PLK4: variants seen among roughly 807,000 people sequenced by gnomAD.
PLK4 encodes polo like kinase 4.
A neutral mutation model predicts 103.0 loss-of-function variants in PLK4; 51 were observed. The ratio of observed to expected loss-of-function variants is 0.50; its 90% CI spans 0.40 to 0.63. The LOEUF (loss-of-function observed/expected upper bound fraction) is 0.63. Among genes scored for constraint, PLK4 ranks in the 20% least tolerant of loss-of-function variants. The pLI, the probability that PLK4 is intolerant of heterozygous loss-of-function variation, is 0.00. For missense variants in PLK4, 1,054 were observed against 1,151.0 expected (o/e 0.92, Z 1.22); for synonymous variants, 389 against 376.8 (o/e 1.03, Z -0.38).
chr4:127,888,111 CAG>C (rs1413990889), intron 6 of PLK4, among the ~76,000 whole-genome samples: 1 of 119,272 alleles, frequency 8.4e-6, no homozygotes, highest in African/African-American at 3.2e-5. Flanking sequence ...ACCAGGGAGA[CAG>C]AGGTTGCAGT....
rs752630935 is a variant in PLK4 at position 127,893,571 on chromosome 4, G to A, written c.2381G>A (p.Arg794Lys). 79 of 1,612,714 alleles carry A rather than the reference G, an allele frequency of 4.9e-5. No homozygotes were observed. Among genetic ancestry groups the A allele is most frequent in the East Asian group, 3.6e-4 (16 of 44,798 alleles). ...SIISEEERKT[R>K]SAPFFPIIIG... ...ATTTCAGAAGAGGAAAGGAAAACTA[G>A]GAGTGCTCCCTTTTTCCCAATAATC... Residue 794 changes from arginine (R) to lysine (K), a missense_variant, in exon 12 of 16, where the codon AGG (arginine) becomes AAG (lysine). By Grantham distance (26) the Arg-to-Lys change is conservative. Around this residue, in one of 4 missense-constraint regions of PLK4, gnomAD observed 167 missense variants for 200.7 expected, o/e 0.83. Coordinates refer to ENST00000270861, the MANE Select transcript of PLK4 (RefSeq NM_014264.5).
chr4:127,883,500 G>T lies in PLK4; in HGVS notation c.284G>T (p.Gly95Val). Reference sequence around the variant, plus strand: ...CTGGTATTAGAAATGTGCCATAATGGAGAAATGAACAGGTATCTAAAGAAT... The same window carrying T: ...CTGGTATTAGAAATGTGCCATAATGTAGAAATGAACAGGTATCTAAAGAAT... ...VYLVLEMCHN[G>V]EMNRYLKNRV... is the part of the protein sequence containing the mutation. The change falls in exon 4 of 16, where the codon GGA (glycine) becomes GTA (valine). Residue 95 changes from glycine to valine, a missense_variant. Gly to Val is a moderately radical substitution (Grantham distance 109). This residue lies in a region of PLK4 where 199 missense variants were observed against 270.1 expected (regional missense o/e 0.74). Coordinates refer to ENST00000270861, the MANE Select transcript of PLK4 (RefSeq NM_014264.5). 6.4e-7 allele frequency: 1 copy of T among 1,557,304 alleles called. No individual in the cohort carries two copies. Among genetic ancestry groups the T allele is most frequent in the South Asian group, 1.1e-5 (1 of 89,560 alleles).
Position 127,891,610 on chromosome 4 carries a change from GT to G in PLK4, c.1971del (p.Pro658LeufsTer39). On this transcript the variant is annotated frameshift_variant, in exon 9 of 16. Transcript: ENST00000270861. LOFTEE classifies it high-confidence loss of function. ...ITIYYPNGGR[G>X]FPLADRPPSP... ...ATTTATTATCCAAATGGTGGTAGAG[GT>G]TTTCCTCTTGCTGATAGACCACCCT... The G allele has an allele frequency of 6.4e-7, 1 of 1,553,896 alleles. No individual in the cohort carries two copies. Among genetic ancestry groups the G allele is most frequent in the East Asian group, 2.3e-5 (1 of 43,386 alleles).
rs778017185 is a variant in PLK4, at chr4:127,892,371, A to G, written c.2045A>G (p.Tyr682Cys). 3.8e-6 allele frequency: 6 copies of G among 1,558,936 alleles called. No individual in the cohort carries two copies. In the East Asian group the frequency reaches 1.4e-4, roughly 37 times the overall value. ...RYSFDNLPEKYWRKYQYASRF... is the reference protein window; with the variant it reads ...RYSFDNLPEKCWRKYQYASRF... ...AAGTATTTTTTTTCCTTAGAAAAAT[A>G]CTGGCGAAAATATCAATATGCTTCC... is the stretch of plus-strand genomic sequence containing the variant. Residue 682 changes from tyrosine to cysteine, a missense_variant, in exon 10 of 16, where the codon TAC (tyrosine) becomes TGC (cysteine). Coordinates refer to ENST00000270861, the MANE Select transcript of PLK4 (RefSeq NM_014264.5).
chr4:127,893,457 A>G, intron 11 of PLK4, 39 bp downstream of exon 11: 1 of 1,599,870 alleles, frequency 6.3e-7, no homozygotes, highest in Non-Finnish European at 8.5e-7. Flanking sequence ...CCAATTAATA[A>G]TGATTGCAAA....
At chr4:127,883,612 A>G in intron 4 of PLK4, 59 bp downstream of exon 4, 1 of 747,112 alleles carries the variant, frequency 1.3e-6, no homozygotes, top group Non-Finnish European at 2.3e-6. Context: ...TTGCATTTTA[A>G]AGTGTAGTTT....
At chr4:127,894,031 A>G in intron 13 of PLK4, 150 bp downstream of exon 13, 1 of 569,754 alleles carries the variant, frequency 1.8e-6, no homozygotes, top group Non-Finnish European at 3.1e-6. Flanking sequence ...TTTATGTTTG[A>G]GCGTCAAAGG....
chr4:127,886,738 A>T lies in PLK4; in HGVS notation c.1358+10A>T. 1 of 1,552,144 alleles carries T rather than the reference A, an allele frequency of 6.4e-7. No individual in the cohort carries two copies. Among genetic ancestry groups the T allele is most frequent in the Non-Finnish European group, 8.7e-7 (1 of 1,146,974 alleles). On this transcript the variant is annotated intron_variant, in intron 5 of 15. Coordinates refer to ENST00000270861, the MANE Select transcript of PLK4 (RefSeq NM_014264.5). Reference sequence around the variant, plus strand: ...ATAACAATCAAGCACTGTAAGAATAATTCTATCAGAGGCATTTTGTTTTTT... The same window carrying T: ...ATAACAATCAAGCACTGTAAGAATATTTCTATCAGAGGCATTTTGTTTTTT...
intron 7 of PLK4, chr4:127,890,877 C>G: frequency 2.8e-6 from 1 of 351,906 alleles, no homozygotes; most frequent in Non-Finnish European, 5.1e-6. Flanking sequence ...TTGATTATCA[C>G]TTCACACTTC....
chr4:127,888,789 T>C (rs1196287595), intron 6 of PLK4, among the ~76,000 whole-genome samples: 1 of 152,140 alleles, frequency 6.6e-6, no homozygotes, highest in Non-Finnish European at 1.5e-5. Context: ...TTTTACTAAG[T>C]ATCGTATTAC....
rs750062734 is a variant in PLK4 at position 127,886,553 on chromosome 4, A to G, written c.1183A>G (p.Thr395Ala). ...SNSQSQAKTYTMERCHSAEML... is the reference protein window; with the variant it reads ...SNSQSQAKTYAMERCHSAEML... ...TAGTCAGTCTCAAGCAAAAACATAT[A>G]CAATGGAACGATGTCACTCAGCAGA... Residue 395 changes from threonine (T) to alanine (A), a missense_variant, in exon 5 of 16, where the codon ACA (threonine) becomes GCA (alanine). Around this residue, in one of 4 missense-constraint regions of PLK4, gnomAD observed 680 missense variants for 660.3 expected, o/e 1.03. Coordinates refer to ENST00000270861, the MANE Select transcript of PLK4 (RefSeq NM_014264.5). 6.2e-7 allele frequency: 1 copy of G among 1,614,126 alleles called. No individual in the cohort carries two copies. The highest frequency in any genetic ancestry group is 1.6e-4 in the Middle Eastern group (1 of 6,062).
chr4:127,881,964 C>A, intron 2 of PLK4, 38 bp downstream of exon 2: 3 of 1,102,338 alleles, frequency 2.7e-6, no homozygotes, highest in Non-Finnish European at 4.2e-6. Flanking sequence ...CTGTACTTTG[C>A]AAGTAACTAG....
At chr4:127,894,352 G>A (rs546025851) in intron 13 of PLK4, among the ~76,000 whole-genome samples, 6 of 151,502 alleles carry the variant, frequency 4.0e-5, no homozygotes, top group South Asian at 4.2e-4. Flanking sequence ...TCAGCCTCCC[G>A]AGTAGCTGGG....
In PLK4 at chr4:127,881,106, C is replaced by T. The variant is rs768898534; in HGVS notation, c.-29C>T. 1.2e-5 allele frequency: 20 copies of T among 1,613,684 alleles called. No homozygotes were observed. The highest frequency in any genetic ancestry group is 9.9e-5 in the South Asian group (9 of 91,066). On this transcript the variant is annotated 5_prime_UTR_variant, in exon 1 of 16. Coordinates refer to ENST00000270861, the MANE Select transcript of PLK4 (RefSeq NM_014264.5). ...AAGGGACTGCGTGAAGGAAGCTAAT[C>T]CGGAGAACCCAGGCCAGAGCCTGGA...
chr4:127,889,856 T>A lies in PLK4; in HGVS notation c.1460-10T>A. 1.9e-6 allele frequency: 3 copies of A among 1,564,858 alleles called. No individual in the cohort carries two copies. The highest frequency in any genetic ancestry group is 2.6e-6 in the Non-Finnish European group (3 of 1,156,522). On this transcript the variant is annotated splice_polypyrimidine_tract_variant and intron_variant, in intron 6 of 15. Coordinates refer to ENST00000270861, the MANE Select transcript of PLK4 (RefSeq NM_014264.5). Reference sequence around the variant, plus strand: ...ATTTACTAAATTGCTTCATTCTATGTATATTGTAGCTCATTTAAGAAAAAC... The same window carrying A: ...ATTTACTAAATTGCTTCATTCTATGAATATTGTAGCTCATTTAAGAAAAAC...
Position 127,886,137 on chromosome 4 carries a change from T to G in PLK4, c.767T>G (p.Leu256Arg), listed in dbSNP as rs1735116207. ...LRRNPADRLS[L>R]SSVLDHPFMS... ...AGAAATCCAGCAGATCGTTTAAGTC[T>G]GTCTTCAGTATTGGACCATCCTTTT... Residue 256 changes from leucine to arginine, a missense_variant, in exon 5 of 16, where the codon CTG (leucine) becomes CGG (arginine). Leu to Arg is a moderately radical substitution (Grantham distance 102). This residue lies in a region of PLK4 where 680 missense variants were observed against 660.3 expected (regional missense o/e 1.03). Transcript: ENST00000270861. 6.2e-7 allele frequency: 1 copy of G among 1,614,064 alleles called. No homozygotes were observed. Among genetic ancestry groups the G allele is most frequent in the African/African-American group, 1.3e-5 (1 of 74,952 alleles).
At chr4:127,898,326 G>A in intron 15 of PLK4, 113 bp from the exon 16 acceptor site, 1 of 607,516 alleles carries the variant, frequency 1.6e-6, no homozygotes, top group Non-Finnish European at 3.0e-6. Flanking sequence ...ATTTTTCTGA[G>A]GTGCCTCTTG....
At chr4:127,884,954 A>G (rs1408182684) in intron 4 of PLK4, among the ~76,000 whole-genome samples, 2 of 151,904 alleles carry the variant, frequency 1.3e-5, no homozygotes, top group Non-Finnish European at 2.9e-5. Flanking sequence ...AAAAGCTTAC[A>G]AATTGATTAC....
chr4:127,884,596 G>C (rs1290974139), intron 4 of PLK4, among the ~76,000 whole-genome samples: 6 of 152,196 alleles, frequency 3.9e-5, no homozygotes, highest in Non-Finnish European at 8.8e-5. Flanking sequence ...CTGAGGTCAG[G>C]AGTTCGAGAC....
Sources: gnomAD v4.1 joint callset for allele counts (sites outside exome capture counted in the v4.1 genomes callset) on GRCh38, gnomAD v4.1.1 for gene constraint, gnomAD v4.1.1 regional missense constraint, MANE v1.5 for transcripts, NCBI Gene and HGNC (gene_info 2026-07-23, HGNC 2026-07-21) for gene names.